The following CTNNA3 variants were observed in gnomAD, a reference collection of about 807,000 sequenced individuals.
The protein encoded by CTNNA3 is catenin alpha 3, also known as catenin alpha-3.
CTNNA3 carries 76 observed loss-of-function variants against 95.7 expected under a neutral mutation model. That is an observed-to-expected ratio of 0.79 (90% CI 0.66 to 0.96). The LOEUF is 0.96. Ranked by LOEUF, CTNNA3 falls within the 40% of genes least tolerant of loss-of-function variation. CTNNA3 has a pLI of 0.00. For synonymous variants in CTNNA3, 431 were observed against 374.4 expected (o/e 1.15, Z -1.74); for missense variants, 1,191 against 1,089.8 (o/e 1.09, Z -1.31).
chr10:66,132,592 T>C (rs2083162674), intron 13 of CTNNA3, among the ~76,000 whole-genome samples: 1 of 152,202 alleles, frequency 6.6e-6, no homozygotes, highest in Non-Finnish European at 1.5e-5. Context: ...TAAAGGCATA[T>C]GCATGCATAT....
chr10:66,684,497 T>A (rs1228378703), intron 9 of CTNNA3, among the ~76,000 whole-genome samples: 2 of 152,160 alleles, frequency 1.3e-5, no homozygotes, highest in Non-Finnish European at 2.9e-5. Flanking sequence ...ATAAAGCACT[T>A]GGCAGAAAAA....
At position 65,918,458 on chromosome 10, in the gene CTNNA3, A is replaced by G. The variant is rs1335918638; in HGVS notation, c.*1872T>C. The stretch of plus-strand genomic sequence containing the variant: ...GATATACCACAGATGTCACTCGTGC[A>G]ACATCTACACTTAGAGCAGAAAATG... On this transcript the variant is annotated 3_prime_UTR_variant, in exon 18 of 18. Coordinates refer to ENST00000433211, the MANE Select transcript of CTNNA3 (RefSeq NM_013266.4). 1 of 152,054 alleles carries G rather than the reference A, an allele frequency of 6.6e-6. No homozygotes were observed. The highest frequency in any genetic ancestry group is 1.5e-5 in the Non-Finnish European group (1 of 67,982). The allele number at this position is 152,054 out of a possible 1,614,324, so 9.4% of individuals were successfully genotyped here.
chr10:66,935,969 T>A (rs554779038), intron 7 of CTNNA3, among the ~76,000 whole-genome samples: 24 of 152,222 alleles, frequency 1.6e-4, no homozygotes, highest in Non-Finnish European at 3.4e-4. Context: ...TAATTTCCGA[T>A]GATTTACCAT....
chr10:67,035,539 G>C (rs560089902), intron 7 of CTNNA3, among the ~76,000 whole-genome samples: 1 of 152,222 alleles, frequency 6.6e-6, no homozygotes, highest in Non-Finnish European at 1.5e-5. Context: ...ATGTGAATCA[G>C]TAAATTCTAA....
At chr10:67,439,861 G>A (rs1402987153) in intron 5 of CTNNA3, among the ~76,000 whole-genome samples, 5 of 152,186 alleles carry the variant, frequency 3.3e-5, no homozygotes, top group African/African-American at 1.2e-4. Context: ...GGCCTTGGGT[G>A]AAACTCTGAG....
intron 15 of CTNNA3, among the ~76,000 whole-genome samples, chr10:66,003,275 G>T (rs758380006): frequency 1.1e-4 from 16 of 152,004 alleles, no homozygotes; most frequent in Non-Finnish European, 2.2e-4. Flanking sequence ...CAACCTGGGA[G>T]AATACTTTAT....
intron 13 of CTNNA3, among the ~76,000 whole-genome samples, chr10:66,231,950 A>G (rs2089610599): frequency 1.3e-5 from 2 of 152,188 alleles, no homozygotes; most frequent in Non-Finnish European, 2.9e-5. Context: ...CTATACTGCT[A>G]CTGCTAAGGA....
At position 67,567,572 on chromosome 10, in the gene CTNNA3, A is replaced by T. The variant is rs1841851510; in HGVS notation, c.293-27903T>A. Among the ~76,000 whole-genome samples the T allele has an allele frequency of 3.3e-5, 5 of 152,128 alleles. No homozygotes were observed. In the South Asian group the frequency reaches 8.3e-4, roughly 25 times the overall value. On this transcript the variant is annotated intron_variant, in intron 3 of 17. Transcript: ENST00000433211. ...ATGCAAGTAATAAAATTACAGGTGT[A>T]CCCCATATATTTGTACAAAGAAAAA...
intron 7 of CTNNA3, among the ~76,000 whole-genome samples, chr10:66,838,654 A>G (rs1001319253): frequency 6.6e-6 from 1 of 152,132 alleles, no homozygotes; most frequent in Non-Finnish European, 1.5e-5. Context: ...ACTAGCCTTT[A>G]CGGTTCTCTA....
chr10:66,928,279 C>G, intron 7 of CTNNA3: 3 of 1,614,132 alleles, frequency 1.9e-6, no homozygotes, highest in South Asian at 1.1e-5. Context: ...GCTGCAGCAG[C>G]GCTCCCTCAT....
At chr10:66,570,918 G>A (rs1366160267) in intron 10 of CTNNA3, among the ~76,000 whole-genome samples, 4 of 151,948 alleles carry the variant, frequency 2.6e-5, no homozygotes, top group South Asian at 2.1e-4. Flanking sequence ...TTTGAGCAAG[G>A]AGCTCTCAAA....
At chr10:67,258,864 C>T (rs1325356969) in intron 5 of CTNNA3, among the ~76,000 whole-genome samples, 1 of 152,000 alleles carries the variant, frequency 6.6e-6, no homozygotes. Context: ...TTCTAGGATC[C>T]CCACTGATAC....
At chr10:67,459,725 C>A (rs142545212) in intron 5 of CTNNA3, among the ~76,000 whole-genome samples, 2 of 152,262 alleles carry the variant, frequency 1.3e-5, no homozygotes, top group Non-Finnish European at 2.9e-5. Flanking sequence ...GTAAATTACT[C>A]TTTTGACATA....
At chr10:67,543,527 A>G (rs1840746236) in intron 3 of CTNNA3, among the ~76,000 whole-genome samples, 1 of 152,152 alleles carries the variant, frequency 6.6e-6, no homozygotes, top group Admixed American at 6.6e-5. Flanking sequence ...AGGAAAACAT[A>G]GTATAAGAAA....
At chr10:67,690,229 G>A (rs1840816452) in intron 1 of CTNNA3, among the ~76,000 whole-genome samples, 3 of 152,164 alleles carry the variant, frequency 2.0e-5, no homozygotes, top group African/African-American at 7.2e-5. Flanking sequence ...GTTCCTCCCA[G>A]TGGGTTCATG....
chr10:66,047,924 G>A (rs1210230094), intron 15 of CTNNA3, among the ~76,000 whole-genome samples: 1 of 151,972 alleles, frequency 6.6e-6, no homozygotes, highest in African/African-American at 2.4e-5. Context: ...AACCAGGGAG[G>A]TGAAAGATCT....
At chr10:65,931,169 T>C (rs147834066) in intron 17 of CTNNA3, among the ~76,000 whole-genome samples, 2,025 of 152,304 alleles carry the variant, frequency 0.013, 26 homozygotes, top group Middle Eastern at 0.034. Context: ...CACAATTATC[T>C]ATAAAGTGAG....
At chr10:66,218,429 A>G (rs2088696465) in intron 13 of CTNNA3, among the ~76,000 whole-genome samples, 1 of 152,090 alleles carries the variant, frequency 6.6e-6, no homozygotes, top group African/African-American at 2.4e-5. Context: ...GTCTCTCTTC[A>G]TATGGCCTGA....
chr10:67,550,515 T>C (rs1277252746), intron 3 of CTNNA3, among the ~76,000 whole-genome samples: 1 of 149,952 alleles, frequency 6.7e-6, no homozygotes. Flanking sequence ...ATAAAGAAAA[T>C]AGGTGAAATA....
Sources: gnomAD v4.1 joint callset for allele counts (sites outside exome capture counted in the v4.1 genomes callset) on GRCh38, gnomAD v4.1.1 for gene constraint, MANE v1.5 for transcripts, NCBI Gene and HGNC (gene_info 2026-07-23, HGNC 2026-07-21) for gene names.